ITCH: variants seen among roughly 807,000 people sequenced by gnomAD.
ITCH encodes the protein E3 ubiquitin-protein ligase Itchy homolog.
A neutral mutation model predicts 126.8 loss-of-function variants in ITCH; 28 were observed. The ratio of observed to expected loss-of-function variants is 0.22; its 90% CI spans 0.16 to 0.30. The LOEUF (loss-of-function observed/expected upper bound fraction) is 0.30. Ranked by LOEUF, ITCH falls within the 10% of genes least tolerant of loss-of-function variation. ITCH has a pLI of 1.00. For synonymous variants in ITCH, 342 were observed against 340.0 expected (o/e 1.01, Z -0.06); for missense variants, 631 against 1,032.4 (o/e 0.61, Z 5.33).
chr20:34,485,843 C>T (rs1230149705), intron 20 of ITCH, among the ~76,000 whole-genome samples: 3 of 152,118 alleles, frequency 2.0e-5, no homozygotes, highest in Non-Finnish European at 4.4e-5. Context: ...CCACTGTGCC[C>T]AGCAAATTTT....
At chr20:34,476,348 G>A in intron 16 of ITCH, 1 of 1,327,452 alleles carries the variant, frequency 7.5e-7, no homozygotes, top group Non-Finnish European at 1.0e-6. Context: ...CTCCGGCCCG[G>A]TCCCCGGCTC....
intron 2 of ITCH, among the ~76,000 whole-genome samples, chr20:34,376,226 T>G (rs2037839488): frequency 6.6e-6 from 1 of 151,930 alleles, no homozygotes; most frequent in Admixed American, 6.6e-5. Context: ...ACGTAAAGAT[T>G]TAACCAGCCT....
intron 6 of ITCH, 99 bp downstream of exon 6, chr20:34,413,978 T>G: frequency 9.1e-7 from 1 of 1,094,750 alleles, no homozygotes; most frequent in South Asian, 1.4e-5. Context: ...TTTTTCAGAT[T>G]AATAAAATGT....
At chr20:34,426,430 G>A (rs1280783550) in intron 7 of ITCH, among the ~76,000 whole-genome samples, 1 of 151,772 alleles carries the variant, frequency 6.6e-6, no homozygotes, top group Non-Finnish European at 1.5e-5. Context: ...TCATCTATGG[G>A]TTGTTTTTTT....
intron 23 of ITCH, among the ~76,000 whole-genome samples, chr20:34,501,331 AT>A (rs1375034673): frequency 3.3e-5 from 5 of 152,228 alleles, no homozygotes; most frequent in Admixed American, 3.3e-4. Flanking sequence ...AAGGGATTAA[AT>A]TTTTTAGGTA....
chr20:34,371,605 A>G (rs1235438110), intron 2 of ITCH, among the ~76,000 whole-genome samples: 2 of 152,078 alleles, frequency 1.3e-5, no homozygotes, highest in African/African-American at 2.4e-5. Context: ...TATAATCAAG[A>G]GAAAGGAAGG....
At chr20:34,426,671 G>C (rs1221976003) in intron 7 of ITCH, among the ~76,000 whole-genome samples, 1 of 151,992 alleles carries the variant, frequency 6.6e-6, no homozygotes, top group Non-Finnish European at 1.5e-5. Flanking sequence ...GGCTGGTCTT[G>C]AACTCCTGAT....
chr20:34,457,265 TA>T, intron 12 of ITCH, 124 bp from the exon 13 acceptor site: 1 of 715,770 alleles, frequency 1.4e-6, no homozygotes, highest in Admixed American at 2.2e-5. Context: ...AGCTGTGATT[TA>T]AAAACTATAA....
intron 2 of ITCH, among the ~76,000 whole-genome samples, chr20:34,376,370 C>CTCATGTCGCTGCACTGATA (rs1474552387): frequency 6.6e-6 from 1 of 151,806 alleles, no homozygotes; most frequent in Non-Finnish European, 1.5e-5. Context: ...CTGCAGTGAG[C>CTCATGTCGCTGCACTGATA]TCATGTCGCT....
chr20:34,416,787 G>A (rs1157383237), intron 6 of ITCH, among the ~76,000 whole-genome samples: 2 of 151,580 alleles, frequency 1.3e-5, no homozygotes, highest in Non-Finnish European at 1.5e-5. Flanking sequence ...TTAATATCTC[G>A]CTACAAGTCT....
chr20:34,509,820 C>T lies in ITCH; in HGVS notation c.*2026C>T, dbSNP rs1238360938. 1.3e-5 allele frequency: 2 copies of T among 152,562 alleles called. No homozygotes were observed. The highest frequency in any genetic ancestry group is 1.3e-4 in the Admixed American group (2 of 15,266). The allele number at this position is 152,562 out of a possible 1,614,324, so 9.5% of individuals were successfully genotyped here. A position where few individuals can be genotyped will look rare whatever the true frequency, so the allele number is the denominator to read the frequency against. Reference sequence around the variant, plus strand: ...AGATTAAGCCCTCTATAAAGACTTCCTGTTGAGGTGAATTCTCATACTGAA... The same window carrying T: ...AGATTAAGCCCTCTATAAAGACTTCTTGTTGAGGTGAATTCTCATACTGAA... On this transcript the variant is annotated 3_prime_UTR_variant, in exon 25 of 25. Coordinates refer to ENST00000374864, the MANE Select transcript of ITCH (RefSeq NM_031483.7).
chr20:34,400,915 G>C (rs2038860894), intron 3 of ITCH, among the ~76,000 whole-genome samples: 2 of 152,198 alleles, frequency 1.3e-5, no homozygotes, highest in South Asian at 2.1e-4. Flanking sequence ...GCACCACTGT[G>C]CCTGGCTCAC....
chr20:34,471,085 G>A (rs1987579606), intron 15 of ITCH, among the ~76,000 whole-genome samples: 1 of 152,070 alleles, frequency 6.6e-6, no homozygotes, highest in African/African-American at 2.4e-5. Flanking sequence ...CCTAGTCAAA[G>A]TTACTGTGAT....
At chr20:34,363,383 C>T (rs2037271906) in intron 1 of ITCH, 34 bp downstream of exon 1, 1 of 152,536 alleles carries the variant, frequency 6.6e-6, no homozygotes, top group Admixed American at 6.5e-5. Context: ...GGGCAGTTCT[C>T]GGGAGAGGGA....
In ITCH at chr20:34,509,275, C is replaced by G. The variant is rs1978502767; in HGVS notation, c.*1481C>G. The G allele has an allele frequency of 6.6e-6, 1 of 152,278 alleles. No homozygotes were observed. Among genetic ancestry groups the G allele is most frequent in the South Asian group, 2.1e-4 (1 of 4,830 alleles). The allele number at this position is 152,278 out of a possible 1,614,324, so 9.4% of individuals were successfully genotyped here. On this transcript the variant is annotated 3_prime_UTR_variant, in exon 25 of 25. Transcript: ENST00000374864. Reference sequence around the variant, plus strand: ...TGACTTCATTGGCAGTGGATGAAGCCTAAGCCAGCTGAGTCTCTATCATAG... The same window carrying G: ...TGACTTCATTGGCAGTGGATGAAGCGTAAGCCAGCTGAGTCTCTATCATAG...
intron 6 of ITCH, among the ~76,000 whole-genome samples, chr20:34,416,209 A>C (rs185180210): frequency 3.3e-5 from 5 of 151,550 alleles, no homozygotes; most frequent in Middle Eastern, 3.4e-3. Context: ...GACCAGCCTG[A>C]CCAACATGGA....
In ITCH at chr20:34,445,371, G is replaced by A; in HGVS notation, c.1050G>A (p.Leu350=). 1 of 1,613,414 alleles carries A rather than the reference G, an allele frequency of 6.2e-7. No homozygotes were observed. The highest frequency in any genetic ancestry group is 8.5e-7 in the Non-Finnish European group (1 of 1,179,958). ...CAACAACGTGGCAGAGGCCAACACTGGAATCCGTCCGGAACTATGAACAAT... is the reference window on the plus strand; with the variant it reads ...CAACAACGTGGCAGAGGCCAACACTAGAATCCGTCCGGAACTATGAACAAT... ...TRTTTWQRPT[L]ESVRNYEQWQ... The change falls in exon 11 of 25, where the codon CTG becomes CTA. Residue 350 remains leucine (L), a synonymous_variant. Coordinates refer to ENST00000374864, the MANE Select transcript of ITCH (RefSeq NM_031483.7).
intron 23 of ITCH, among the ~76,000 whole-genome samples, chr20:34,502,623 T>C (rs1291631644): frequency 6.6e-6 from 1 of 151,184 alleles, no homozygotes; most frequent in Non-Finnish European, 1.5e-5. Context: ...GGCAGGAGAA[T>C]CACTTGAACC....
intron 23 of ITCH, among the ~76,000 whole-genome samples, chr20:34,495,962 G>C (rs1462924196): frequency 6.6e-6 from 1 of 150,948 alleles, no homozygotes; most frequent in Non-Finnish European, 1.5e-5. Flanking sequence ...GCTGAGAGTG[G>C]TGGTACACGC....
Sources: gnomAD v4.1 joint callset for allele counts (sites outside exome capture counted in the v4.1 genomes callset) on GRCh38, gnomAD v4.1.1 for gene constraint, MANE v1.5 for transcripts, NCBI Gene and HGNC (gene_info 2026-07-23, HGNC 2026-07-21) for gene names.